SNAP29: variants seen among roughly 807,000 people sequenced by gnomAD.
The protein encoded by SNAP29 is synaptosomal-associated protein 29.
SNAP29 carries 13 observed loss-of-function variants against 27.9 expected under a neutral mutation model. The ratio of observed to expected loss-of-function variants is 0.47; its 90% CI spans 0.30 to 0.74. SNAP29 has a LOEUF of 0.74. SNAP29 is among the 30% of genes least tolerant of loss of function. The pLI is 0.06. For synonymous variants in SNAP29, 119 were observed against 127.1 expected (o/e 0.94, Z 0.43); for missense variants, 368 against 336.5 (o/e 1.09, Z -0.73).
intron 1 of SNAP29, among the ~76,000 whole-genome samples, chr22:20,868,239 A>G (rs1928506137): frequency 6.6e-6 from 1 of 152,206 alleles, no homozygotes; most frequent in Admixed American, 6.5e-5. Flanking sequence ...GATTTGCTTG[A>G]CATACTGAGT....
At chr22:20,859,513 A>G in intron 1 of SNAP29, 166 bp downstream of exon 1, 1 of 652,352 alleles carries the variant, frequency 1.5e-6, no homozygotes, top group Non-Finnish European at 2.8e-6. Flanking sequence ...ATGTAAAGGT[A>G]TGTGCATCTG....
chr22:20,876,084 C>G (rs1389370335), intron 2 of SNAP29, among the ~76,000 whole-genome samples: 1 of 151,346 alleles, frequency 6.6e-6, no homozygotes, highest in Non-Finnish European at 1.5e-5. Context: ...TGGCATGAAC[C>G]CGGGAGGTGG....
intron 2 of SNAP29, among the ~76,000 whole-genome samples, chr22:20,880,595 A>G (rs974449283): frequency 6.6e-6 from 1 of 152,082 alleles, no homozygotes; most frequent in African/African-American, 2.4e-5. Flanking sequence ...ACTGTAGTCT[A>G]AAGTACCGGT....
In SNAP29 at chr22:20,870,409, A is replaced by T; in HGVS notation, c.310A>T (p.Ile104Phe). The change falls in exon 2 of 5, where the codon ATC becomes TTC. Residue 104 changes from isoleucine to phenylalanine, a missense_variant. Physicochemically the swap from Ile to Phe is conservative, Grantham distance 21. Transcript: ENST00000215730. ...MVDKMDQDLK[I>F]SQKHINSIKS... ...GGACAAGATGGACCAAGATTTGAAG[A>T]TCAGCCAGAAACACATCAATAGCAT... The T allele has an allele frequency of 6.2e-7, 1 of 1,614,178 alleles. No homozygotes were observed. Among genetic ancestry groups the T allele is most frequent in the Non-Finnish European group, 8.5e-7 (1 of 1,180,018 alleles).
At chr22:20,880,169 A>C (rs1450756372) in intron 2 of SNAP29, among the ~76,000 whole-genome samples, 2 of 152,164 alleles carry the variant, frequency 1.3e-5, no homozygotes, top group Admixed American at 6.6e-5. Flanking sequence ...ATATAAAAAC[A>C]GGTGAAATTT....
chr22:20,888,225 C>G lies in SNAP29; in HGVS notation c.*389C>G, dbSNP rs1929066385. On this transcript the variant is annotated 3_prime_UTR_variant, in exon 5 of 5. Coordinates refer to ENST00000215730, the MANE Select transcript of SNAP29 (RefSeq NM_004782.4). ...CTCTATTTCTCATTCCTAAGCCTTA[C>G]CATGAGTCAGAGTGTTAAGGGGGCC... 3.0e-6 allele frequency: 1 copy of G among 328,222 alleles called. No homozygotes were observed. The highest frequency in any genetic ancestry group is 2.2e-5 in the African/African-American group (1 of 45,976). 20.3% of individuals were successfully genotyped at this position (328,222 alleles called of 1,614,324 possible).
rs1438776550 is a variant in SNAP29 at position 20,890,292 on chromosome 22, AGACAC to A, written c.*2457_*2461del. ...ACAAAAAAATGCTACCCTCTAGACT[AGACAC>A]ATTTCATGGAGACAAGCAAAATGGT... is the stretch of plus-strand genomic sequence containing the variant. On this transcript the variant is annotated 3_prime_UTR_variant, in exon 5 of 5. Transcript: ENST00000215730. 2 of 398,490 alleles carry A rather than the reference AGACAC, an allele frequency of 5.0e-6. No homozygotes were observed. The highest frequency in any genetic ancestry group is 8.8e-6 in the Non-Finnish European group (2 of 226,090). The allele number at this position is 398,490 out of a possible 1,614,324, so 24.7% of individuals were successfully genotyped here. A position where few individuals can be genotyped will look rare whatever the true frequency, so the allele number is the denominator to read the frequency against.
At chr22:20,860,605 A>G (rs938452973) in intron 1 of SNAP29, among the ~76,000 whole-genome samples, 14 of 151,916 alleles carry the variant, frequency 9.2e-5, no homozygotes, top group African/African-American at 3.4e-4. Context: ...TCCTGACCTC[A>G]GGCAGTCCGC....
chr22:20,859,776 G>A, intron 1 of SNAP29: 1 of 222,678 alleles, frequency 4.5e-6, no homozygotes, highest in Non-Finnish European at 9.1e-6. Flanking sequence ...AGAGGACTAT[G>A]TGCCTGCGAG....
chr22:20,860,260 G>A (rs1348760133), intron 1 of SNAP29, among the ~76,000 whole-genome samples: 9 of 151,704 alleles, frequency 5.9e-5, no homozygotes, highest in Admixed American at 5.2e-4. Context: ...AGGAGGCTGA[G>A]GTAGGAGAAT....
At chr22:20,871,798 T>C (rs1254001569) in intron 2 of SNAP29, among the ~76,000 whole-genome samples, 1 of 151,740 alleles carries the variant, frequency 6.6e-6, no homozygotes, top group Non-Finnish European at 1.5e-5. Flanking sequence ...AGGAGAATGG[T>C]GTGAACCCGG....
At chr22:20,870,783 G>A in intron 2 of SNAP29, 1 of 572,524 alleles carries the variant, frequency 1.7e-6, no homozygotes, top group South Asian at 1.9e-5. Context: ...TTGAAAGAGA[G>A]GGTGTTCACC....
chr22:20,877,921 A>G (rs1928787811), intron 2 of SNAP29, among the ~76,000 whole-genome samples: 1 of 152,218 alleles, frequency 6.6e-6, no homozygotes, highest in East Asian at 1.9e-4. Context: ...ATGGCAATGC[A>G]CTGCCCACAG....
At chr22:20,866,214 C>G (rs191650459) in intron 1 of SNAP29, among the ~76,000 whole-genome samples, 3 of 152,318 alleles carry the variant, frequency 2.0e-5, no homozygotes, top group Non-Finnish European at 4.4e-5. Flanking sequence ...GCACTACCGC[C>G]TTTGCCCTTG....
rs1402168600 is a variant in SNAP29, at chr22:20,870,320, CCT to C, written c.238-13_238-12del. 2 of 1,613,472 alleles carry C rather than the reference CCT, an allele frequency of 1.2e-6. No homozygotes were observed. The highest frequency in any genetic ancestry group is 8.5e-7 in the Non-Finnish European group (1 of 1,179,514). ...GTCACAGAAAGCTATAATGCCACTG[CCT>C]CTCGGTTTCCCCAGGAGCTCGCCCG... On this transcript the variant is annotated splice_polypyrimidine_tract_variant and intron_variant, in intron 1 of 4. Coordinates refer to ENST00000215730, the MANE Select transcript of SNAP29 (RefSeq NM_004782.4).
chr22:20,874,025 C>CAG (rs2147866367), intron 2 of SNAP29, among the ~76,000 whole-genome samples: 1 of 149,930 alleles, frequency 6.7e-6, no homozygotes, highest in Non-Finnish European at 1.5e-5. Context: ...CCTGTAATCC[C>CAG]AGCACTTTGG....
intron 2 of SNAP29, among the ~76,000 whole-genome samples, chr22:20,874,486 A>C (rs1928691570): frequency 6.6e-6 from 1 of 150,442 alleles, no homozygotes; most frequent in Admixed American, 6.7e-5. Context: ...AGGTGGGAGG[A>C]TCACCTGAAC....
At chr22:20,880,224 G>A (rs1230572571) in intron 2 of SNAP29, among the ~76,000 whole-genome samples, 1 of 151,984 alleles carries the variant, frequency 6.6e-6, no homozygotes, top group Non-Finnish European at 1.5e-5. Flanking sequence ...GGGGCCAGGC[G>A]CAGTGGCTCA....
At chr22:20,868,504 A>T (rs1462357069) in intron 1 of SNAP29, among the ~76,000 whole-genome samples, 1 of 152,214 alleles carries the variant, frequency 6.6e-6, no homozygotes. Context: ...TTCCTTAAGG[A>T]CTTTAAGGAA....
Sources: gnomAD v4.1 joint callset for allele counts (sites outside exome capture counted in the v4.1 genomes callset) on GRCh38, gnomAD v4.1.1 for gene constraint, MANE v1.5 for transcripts, NCBI Gene and HGNC (gene_info 2026-07-23, HGNC 2026-07-21) for gene names.